The following SEMA3A variants were observed in gnomAD, a reference collection of about 807,000 sequenced individuals.
The protein encoded by SEMA3A is semaphorin 3A.
In SEMA3A, 29 loss-of-function variants were observed where a neutral mutation model predicts 97.9. The ratio of observed to expected loss-of-function variants is 0.30; its 90% CI spans 0.22 to 0.40. The LOEUF (loss-of-function observed/expected upper bound fraction) is 0.40, where lower values mean the gene tolerates loss of function less well. Among genes scored for constraint, SEMA3A ranks in the 10% least tolerant of loss-of-function variants. The pLI is 1.00. For missense variants in SEMA3A, 763 were observed against 951.3 expected, an observed-to-expected ratio of 0.80 and a Z score of 2.60; for synonymous variants, 321 against 323.7, an observed-to-expected ratio of 0.99 and a Z score of 0.09.
Position 84,002,001 on chromosome 7 carries a change from C to G in SEMA3A, c.1406G>C (p.Trp469Ser). 6.2e-7 allele frequency: 1 copy of G among 1,612,610 alleles called. No homozygotes were observed. Residue 469 changes from tryptophan to serine, a missense_variant, in exon 12 of 17, where the codon TGG (tryptophan) becomes TCG (serine). Transcript: ENST00000265362. ...LKVVSIPKETWYDLEEVLLEE... is the reference protein window; with the variant it reads ...LKVVSIPKETSYDLEEVLLEE... ...CAGCAGAACCTCTTCTAAATCATAC[C>G]AAGTCTCCTTAGGAATTGAAACTAC...
At chr7:84,072,327 T>C (rs1480507070) in intron 4 of SEMA3A, among the ~76,000 whole-genome samples, 3 of 152,048 alleles carry the variant, frequency 2.0e-5, no homozygotes, top group Admixed American at 2.0e-4. Flanking sequence ...TATCAACTTA[T>C]TTCTTTGTGG....
rs376818841 is a variant in SEMA3A at position 83,994,077 on chromosome 7, C to T, written c.1452+7878G>A. ...TCATTTCATTCATTTCATCTTCCATCGCTGATACCCTTTCTTCCAGTTGAT... is the reference window on the plus strand; with the variant it reads ...TCATTTCATTCATTTCATCTTCCATTGCTGATACCCTTTCTTCCAGTTGAT... On this transcript the variant is annotated intron_variant, in intron 12 of 16. Transcript: ENST00000265362. Among the ~76,000 whole-genome samples the T allele has an allele frequency of 5.1e-4, 77 of 150,842 alleles. No individual in the cohort carries two copies. The South Asian group carries it at 6.0e-3, about 12-fold the overall frequency.
At chr7:84,236,440 C>T (rs1418119665) in intron 3 of SEMA3A, among the ~76,000 whole-genome samples, 1 of 152,162 alleles carries the variant, frequency 6.6e-6, no homozygotes, top group Admixed American at 6.6e-5. Context: ...TATTAATTCG[C>T]TAAAATTCTG....
At chr7:84,375,340 G>A (rs1803071646) in intron 1 of SEMA3A, among the ~76,000 whole-genome samples, 1 of 151,978 alleles carries the variant, frequency 6.6e-6, no homozygotes, top group African/African-American at 2.4e-5. Flanking sequence ...ATATTATTGA[G>A]GGCATTGAGT....
At chr7:84,429,318 T>C (rs71558731) in intron 1 of SEMA3A, among the ~76,000 whole-genome samples, 16,731 of 150,902 alleles carry the variant, frequency 0.11, 1,153 homozygotes, top group East Asian at 0.27. Context: ...TAGTACGACA[T>C]CTCCAATTTT....
chr7:84,229,040 A>G (rs62477027), intron 3 of SEMA3A, among the ~76,000 whole-genome samples: 2,427 of 152,068 alleles, frequency 0.016, 34 homozygotes, highest in South Asian at 0.024. Context: ...ATTGTCTTTC[A>G]TATCTCCTTT....
chr7:83,962,895 G>C (rs1321437417), intron 16 of SEMA3A, among the ~76,000 whole-genome samples: 2 of 151,672 alleles, frequency 1.3e-5, no homozygotes, highest in Non-Finnish European at 2.9e-5. Flanking sequence ...TTTTATTTGT[G>C]CACAAATATA....
chr7:84,042,726 A>G (rs950588442), intron 6 of SEMA3A, among the ~76,000 whole-genome samples: 1 of 152,030 alleles, frequency 6.6e-6, no homozygotes, highest in African/African-American at 2.4e-5. Context: ...CATTCTAAAG[A>G]TAGTCTTTCT....
At chr7:84,329,221 C>T (rs189836990) in intron 2 of SEMA3A, among the ~76,000 whole-genome samples, 1 of 151,930 alleles carries the variant, frequency 6.6e-6, no homozygotes, top group Non-Finnish European at 1.5e-5. Flanking sequence ...GGCAGTAAAA[C>T]ATTGAGTGTT....
intron 4 of SEMA3A, among the ~76,000 whole-genome samples, chr7:84,062,792 G>T (rs140365808): frequency 6.6e-6 from 1 of 152,112 alleles, no homozygotes; most frequent in Non-Finnish European, 1.5e-5. Flanking sequence ...CTCGCTGATT[G>T]CTAGCACAGC....
chr7:84,466,403 C>A (rs1290918924), intron 1 of SEMA3A, among the ~76,000 whole-genome samples: 2 of 152,214 alleles, frequency 1.3e-5, no homozygotes, highest in East Asian at 3.9e-4. Context: ...GAACTCCTGA[C>A]CTCAGGTGAT....
At chr7:84,490,395 C>T (rs1434367053) in intron 1 of SEMA3A, among the ~76,000 whole-genome samples, 1 of 152,042 alleles carries the variant, frequency 6.6e-6, no homozygotes, top group Non-Finnish European at 1.5e-5. Flanking sequence ...TAGCACATAG[C>T]TAGCATTTAA....
chr7:84,476,293 A>C (rs1395335739), intron 1 of SEMA3A, among the ~76,000 whole-genome samples: 1 of 151,132 alleles, frequency 6.6e-6, no homozygotes, highest in Non-Finnish European at 1.5e-5. Flanking sequence ...CGGGAGGCGG[A>C]GGTTGCAGTG....
intron 1 of SEMA3A, among the ~76,000 whole-genome samples, chr7:84,378,092 C>T (rs1803154962): frequency 6.6e-6 from 1 of 152,044 alleles, no homozygotes; most frequent in Non-Finnish European, 1.5e-5. Context: ...TAATTTCAAT[C>T]TCACACAGTG....
chr7:84,063,812 T>G (rs867606633), intron 4 of SEMA3A, among the ~76,000 whole-genome samples: 12 of 148,850 alleles, frequency 8.1e-5, no homozygotes, highest in African/African-American at 2.8e-4. Context: ...CTGAAAGTGA[T>G]GGGGAGAATG....
intron 3 of SEMA3A, among the ~76,000 whole-genome samples, chr7:84,209,985 G>A (rs2116316209): frequency 6.6e-6 from 1 of 151,904 alleles, no homozygotes; most frequent in South Asian, 2.1e-4. Context: ...TTTCCTAAGG[G>A]GATCATTAGA....
intron 1 of SEMA3A, among the ~76,000 whole-genome samples, chr7:84,191,707 G>C (rs1798042818): frequency 6.6e-6 from 1 of 151,742 alleles, no homozygotes; most frequent in Non-Finnish European, 1.5e-5. Context: ...AAGTATTTCT[G>C]AGTAAATGTT....
At chr7:84,195,629 G>A (rs1285769563), upstream of SEMA3A, among the ~76,000 whole-genome samples, 3 of 151,966 alleles carry the variant, frequency 2.0e-5, no homozygotes, top group Admixed American at 6.6e-5. Context: ...GACAAATATA[G>A]GTCCTTTGAG....
At chr7:83,979,365 A>C (rs1789300831) in intron 14 of SEMA3A, among the ~76,000 whole-genome samples, 1 of 152,060 alleles carries the variant, frequency 6.6e-6, no homozygotes, top group South Asian at 2.1e-4. Flanking sequence ...AACTCTTGAC[A>C]TCGTGAGCCG....
Sources: allele counts gnomAD v4.1 joint callset (sites outside exome capture counted in the v4.1 genomes callset), GRCh38; gene constraint gnomAD v4.1.1; transcripts MANE v1.5; gene names NCBI Gene and HGNC (gene_info 2026-07-23, HGNC 2026-07-21).